Variants in COL24A1 observed in about 807,000 individuals in gnomAD.
COL24A1 encodes collagen alpha-1(XXIV) chain.
COL24A1 carries 224 observed loss-of-function variants against 253.9 expected under a neutral mutation model. The ratio of observed to expected loss-of-function variants is 0.88; its 90% confidence interval spans 0.79 to 0.99. The LOEUF (loss-of-function observed/expected upper bound fraction) is 0.99, where lower values mean the gene tolerates loss of function less well. COL24A1 is among the 50% of genes least tolerant of loss of function. The probability of loss-of-function intolerance (pLI) is 0.00; values close to 1 mark genes in which losing one functional copy is unlikely to be tolerated. For synonymous variants in COL24A1, 685 were observed against 673.7 expected, an observed-to-expected ratio of 1.02 and a Z score of -0.26; for missense variants, 2,131 against 2,068.5, an observed-to-expected ratio of 1.03 and a Z score of -0.59.
At chr1:85,909,681 T>A (rs974476186) in intron 26 of COL24A1, among the ~76,000 whole-genome samples, 1 of 151,902 alleles carries the variant, frequency 6.6e-6, no homozygotes, top group African/African-American at 2.4e-5. Flanking sequence ...TCTAATTGAA[T>A]TTTCTTCTTT....
At chr1:85,871,688 G>A (rs1022644418) in intron 35 of COL24A1, among the ~76,000 whole-genome samples, 1 of 152,066 alleles carries the variant, frequency 6.6e-6, no homozygotes, top group South Asian at 2.1e-4. Flanking sequence ...GTATTGATGG[G>A]ACATATCTCA....
At chr1:86,027,310 G>A (rs188013929) in intron 14 of COL24A1, among the ~76,000 whole-genome samples, 102 of 152,150 alleles carry the variant, frequency 6.7e-4, no homozygotes, top group African/African-American at 2.0e-3. Flanking sequence ...TGGGGAAAAT[G>A]TCTCCAGGGA....
chr1:85,966,845 T>C lies in COL24A1; in HGVS notation c.2464-1783A>G, dbSNP rs528610291. 2.4e-4 allele frequency among the ~76,000 whole-genome samples: 36 copies of C among 152,218 alleles called. No homozygotes were observed. In the South Asian group the frequency reaches 4.4e-3, roughly 18 times the overall value. On this transcript the variant is annotated intron_variant, in intron 22 of 59. Coordinates refer to ENST00000370571, the MANE Select transcript of COL24A1 (RefSeq NM_152890.7). The stretch of plus-strand genomic sequence containing the variant: ...AAGAGAAAAACTGAAAGAGCATGTA[T>C]AGACAACACTTTTGAGGAATTTTAC...
intron 5 of COL24A1, among the ~76,000 whole-genome samples, chr1:86,093,258 C>A (rs1205705767): frequency 6.6e-6 from 1 of 151,942 alleles, no homozygotes; most frequent in African/African-American, 2.4e-5. Flanking sequence ...TAGAAATGAA[C>A]CCTCACTGGC....
chr1:85,871,242 A>G (rs576532084), intron 35 of COL24A1, among the ~76,000 whole-genome samples: 35 of 152,180 alleles, frequency 2.3e-4, no homozygotes, highest in Non-Finnish European at 4.1e-4. Flanking sequence ...GACCAGATGG[A>G]TTCACAGCCG....
At chr1:86,103,925 G>A (rs913427369) in intron 5 of COL24A1, among the ~76,000 whole-genome samples, 8 of 152,048 alleles carry the variant, frequency 5.3e-5, no homozygotes, top group Non-Finnish European at 8.8e-5. Flanking sequence ...TTGAATTTTG[G>A]CCTCTCTAGC....
At chr1:85,973,499 G>A (rs1044078803) in intron 20 of COL24A1, among the ~76,000 whole-genome samples, 1 of 152,090 alleles carries the variant, frequency 6.6e-6, no homozygotes, top group African/African-American at 2.4e-5. Context: ...ATTGAGTTAT[G>A]ATAGGCTAAT....
intron 24 of COL24A1, among the ~76,000 whole-genome samples, chr1:85,934,705 T>C (rs1688104754): frequency 1.3e-5 from 2 of 152,124 alleles, no homozygotes; most frequent in South Asian, 2.1e-4. Context: ...GTTTTGTAAA[T>C]AGTTTCATTG....
chr1:85,975,563 A>G (rs1360032063), intron 20 of COL24A1, among the ~76,000 whole-genome samples: 2 of 152,204 alleles, frequency 1.3e-5, no homozygotes, highest in Non-Finnish European at 2.9e-5. Context: ...CTAAAAAAAA[A>G]TTGATCTCAT....
At chr1:86,112,018 A>C (rs1475766330) in intron 5 of COL24A1, among the ~76,000 whole-genome samples, 2 of 152,210 alleles carry the variant, frequency 1.3e-5, no homozygotes, top group Non-Finnish European at 2.9e-5. Flanking sequence ...TCATTCTTGA[A>C]GTCAGTGAGA....
At chr1:85,876,983 T>G (rs1206150594) in intron 33 of COL24A1, 139 bp downstream of exon 33, 8 of 538,124 alleles carry the variant, frequency 1.5e-5, no homozygotes, top group Non-Finnish European at 2.2e-5. Flanking sequence ...CTGCTTTTAA[T>G]GGAATTTTAG....
At chr1:86,076,932 G>C (rs2101881786) in intron 7 of COL24A1, among the ~76,000 whole-genome samples, 1 of 152,214 alleles carries the variant, frequency 6.6e-6, no homozygotes, top group South Asian at 2.1e-4. Context: ...CATAGGCATG[G>C]GCAAAGACTT....
chr1:85,959,216 C>T (rs968071734), intron 24 of COL24A1, among the ~76,000 whole-genome samples: 1 of 152,044 alleles, frequency 6.6e-6, no homozygotes, highest in Admixed American at 6.6e-5. Context: ...GCCAGAATTA[C>T]TGAGAGCCAA....
At chr1:85,799,799 A>G (rs1477555134) in intron 47 of COL24A1, among the ~76,000 whole-genome samples, 1 of 152,208 alleles carries the variant, frequency 6.6e-6, no homozygotes, top group East Asian at 1.9e-4. Flanking sequence ...CTAATATTCT[A>G]AGTATGCATG....
intron 20 of COL24A1, among the ~76,000 whole-genome samples, chr1:85,975,822 G>A (rs1253021854): frequency 2.0e-5 from 3 of 152,138 alleles, no homozygotes; most frequent in Non-Finnish European, 4.4e-5. Flanking sequence ...GGGAACACCT[G>A]CCTCCAGACA....
Position 85,937,168 on chromosome 1 carries a change from G to A in COL24A1, c.2562+24081C>T, listed in dbSNP as rs1308885290. On this transcript the variant is annotated intron_variant, in intron 24 of 59. Coordinates refer to ENST00000370571, the MANE Select transcript of COL24A1 (RefSeq NM_152890.7). ...GGTTTATGGATAGTAGGCTTCTTAC[G>A]TAGGTGCAAACTGAAGATGGATGGC... Among the ~76,000 whole-genome samples, 5 of 147,802 alleles carry A rather than the reference G, an allele frequency of 3.4e-5. 1 individual carries two copies. The East Asian group carries it at 8.5e-4, about 25-fold the overall frequency.
chr1:85,937,121 CAGA>C (rs1329509850), intron 24 of COL24A1, among the ~76,000 whole-genome samples: 2 of 147,612 alleles, frequency 1.4e-5, no homozygotes, highest in African/African-American at 5.0e-5. Context: ...GACCAGCTGT[CAGA>C]AGGAGAAAGC....
intron 47 of COL24A1, among the ~76,000 whole-genome samples, chr1:85,814,775 G>C (rs1672896303): frequency 6.7e-6 from 1 of 150,140 alleles, no homozygotes; most frequent in African/African-American, 2.4e-5. Context: ...TAAATGACTT[G>C]AGTAAAAAGT....
intron 19 of COL24A1, among the ~76,000 whole-genome samples, chr1:85,997,081 A>G (rs1694888982): frequency 7.8e-6 from 1 of 128,510 alleles, no homozygotes; most frequent in African/African-American, 2.8e-5. Flanking sequence ...ATATATATAT[A>G]CCAGTTAGTA....
Sources: gnomAD v4.1 joint callset for allele counts (sites outside exome capture counted in the v4.1 genomes callset) on GRCh38, gnomAD v4.1.1 for gene constraint, MANE v1.5 for transcripts, NCBI Gene and HGNC (gene_info 2026-07-23, HGNC 2026-07-21) for gene names.